The following KRABD3 variants were observed in gnomAD, a reference collection of about 807,000 sequenced individuals.
The protein encoded by KRABD3 is KRAB domain-containing protein 3.
chr7:149,725,210 C>T, the KRABD3 span: 1 of 1,152,224 alleles, frequency 8.7e-7, no homozygotes, highest in Non-Finnish European at 1.2e-6. Context: ...TGGTACAGGA[C>T]TCGTCACCCC....
the KRABD3 span, among the ~76,000 whole-genome samples, chr7:149,727,568 C>T: frequency 3.3e-5 from 5 of 152,202 alleles, no homozygotes; most frequent in Non-Finnish European, 7.3e-5. Flanking sequence ...CTGCCTTTGT[C>T]GTCAGCATTT....
chr7:149,716,877 T>C, the KRABD3 span, among the ~76,000 whole-genome samples: 1 of 152,194 alleles, frequency 6.6e-6, no homozygotes, highest in African/African-American at 2.4e-5. Flanking sequence ...CCTGTATTTG[T>C]TTTGTCTTCA....
At chr7:149,724,927 G>A in the KRABD3 span, 2 of 1,270,158 alleles carry the variant, frequency 1.6e-6, no homozygotes, top group Non-Finnish European at 2.1e-6. Context: ...CTAACCCCAG[G>A]GAAGCAGCTC....
the KRABD3 span, chr7:149,714,987 G>A: frequency 8.3e-7 from 1 of 1,200,254 alleles, no homozygotes; most frequent in Admixed American, 4.3e-5. Flanking sequence ...CCGCCGACGA[G>A]GGTCGCGTGC....
the KRABD3 span, chr7:149,734,115 A>G: frequency 4.6e-6 from 7 of 1,510,748 alleles, no homozygotes; most frequent in Non-Finnish European, 6.2e-6. Context: ...AAGCCCTGTC[A>G]CCCCACCCCA....
chr7:149,716,855 C>G, the KRABD3 span, among the ~76,000 whole-genome samples: 1 of 152,176 alleles, frequency 6.6e-6, no homozygotes, highest in Non-Finnish European at 1.5e-5. Flanking sequence ...CGCATTTGTT[C>G]TAGGCACTAT....
At chr7:149,727,309 C>G in the KRABD3 span, among the ~76,000 whole-genome samples, 1 of 152,260 alleles carries the variant, frequency 6.6e-6, no homozygotes, top group African/African-American at 2.4e-5. Context: ...GGCCTGGGGC[C>G]TGCCAGTGTC....
the KRABD3 span, among the ~76,000 whole-genome samples, chr7:149,732,881 G>T: frequency 2.6e-5 from 4 of 152,120 alleles, no homozygotes; most frequent in Admixed American, 1.3e-4. This position sits in a 1 kb window ranked among gnomAD's most constrained non-coding sequence, Gnocchi z 4.0. Context: ...CTAGGGCAGG[G>T]TGCCATTTGG....
chr7:149,722,904 C>G, the KRABD3 span: 1 of 1,613,304 alleles, frequency 6.2e-7, no homozygotes, highest in Non-Finnish European at 8.5e-7. Context: ...CTAGCCTGGG[C>G]ACGTCCAGGC....
chr7:149,720,121 C>T, the KRABD3 span: 4 of 1,551,584 alleles, frequency 2.6e-6, no homozygotes, highest in African/African-American at 2.7e-5. Flanking sequence ...TTGTGGAGAT[C>T]CCCAGGGTAA....
chr7:149,717,695 G>A, the KRABD3 span, among the ~76,000 whole-genome samples: 1 of 152,146 alleles, frequency 6.6e-6, no homozygotes, highest in Admixed American at 6.5e-5. Context: ...TGCCAGGGGT[G>A]TAGATGCAGC....
chr7:149,725,561 G>C, the KRABD3 span: 2 of 1,411,060 alleles, frequency 1.4e-6, no homozygotes. Context: ...GAGGACTGTC[G>C]GGTCATTGTG....
At chr7:149,732,989 C>G in the KRABD3 span, among the ~76,000 whole-genome samples, 15 of 152,206 alleles carry the variant, frequency 9.9e-5, no homozygotes, top group Non-Finnish European at 1.8e-4. This position sits in a 1 kb window ranked among gnomAD's most constrained non-coding sequence, Gnocchi z 4.0. Context: ...TGTGGTTGAT[C>G]CTGCCCATCA....
At chr7:149,734,033 TGGG>T in the KRABD3 span, 1 of 1,605,550 alleles carries the variant, frequency 6.2e-7, no homozygotes, top group Non-Finnish European at 8.5e-7. Context: ...GGACCCGAGA[TGGG>T]GGGCGCATTG....
chr7:149,723,245 C>T, the KRABD3 span, among the ~76,000 whole-genome samples: 27 of 152,318 alleles, frequency 1.8e-4, 1 homozygote, highest in South Asian at 1.7e-3. Flanking sequence ...TTTGCATTGA[C>T]GCCAGGCATG....
At chr7:149,716,781 G>A in the KRABD3 span, among the ~76,000 whole-genome samples, 1,051 of 152,232 alleles carry the variant, frequency 6.9e-3, 15 homozygotes, top group African/African-American at 0.023. Flanking sequence ...ACCTGCAAGC[G>A]GGCATTAGGC....
At chr7:149,726,494 G>A in the KRABD3 span, among the ~76,000 whole-genome samples, 1 of 150,834 alleles carries the variant, frequency 6.6e-6, no homozygotes, top group African/African-American at 2.4e-5. Flanking sequence ...CTGGAGTGCA[G>A]TGGCACAATC....
the KRABD3 span, among the ~76,000 whole-genome samples, chr7:149,727,658 C>T: frequency 1.3e-5 from 2 of 152,338 alleles, no homozygotes; most frequent in South Asian, 2.1e-4. Context: ...GCGTGGTATT[C>T]GGTAGCATGC....
At chr7:149,731,815 A>T in the KRABD3 span, 1 of 1,490,160 alleles carries the variant, frequency 6.7e-7, no homozygotes, top group Non-Finnish European at 9.2e-7. Flanking sequence ...TGCACGGGCC[A>T]GGACCCAGAG....
Sources: allele counts gnomAD v4.1 joint callset (sites outside exome capture counted in the v4.1 genomes callset), GRCh38; gene constraint gnomAD v4.1.1; non-coding constraint Gnocchi (gnomAD v3.1); transcripts MANE v1.5; gene names NCBI Gene and HGNC (gene_info 2026-07-23, HGNC 2026-07-21).